CCDC110: variants seen among roughly 807,000 people sequenced by gnomAD.
CCDC110 encodes coiled-coil domain-containing protein 110.
Under a neutral mutation model 77.1 loss-of-function variants are expected in CCDC110, and 70 were observed. That is an observed-to-expected ratio of 0.91 (90% CI 0.75 to 1.11). The LOEUF (loss-of-function observed/expected upper bound fraction) is 1.11. Ranked by LOEUF, CCDC110 falls within the 50% of genes least tolerant of loss-of-function variation. CCDC110 has a pLI of 0.00. For synonymous variants in CCDC110, 295 were observed against 312.5 expected (o/e 0.94, Z 0.59); for missense variants, 868 against 942.9 (o/e 0.92, Z 1.04).
chr4:185,449,522 TAAA>T, intron 6 of CCDC110: 12 of 826,982 alleles, frequency 1.5e-5, no homozygotes, highest in South Asian at 5.5e-5. Context: ...GACCCGGTCT[TAAA>T]AAAAAAAAAG....
chr4:185,466,157 C>T (rs763252890), intron 2 of CCDC110, among the ~76,000 whole-genome samples: 3 of 151,988 alleles, frequency 2.0e-5, no homozygotes, highest in East Asian at 1.9e-4. Context: ...GGGCAGATCA[C>T]GAGGTCAGGA....
intron 2 of CCDC110, among the ~76,000 whole-genome samples, chr4:185,466,187 A>G (rs1451075628): frequency 6.6e-6 from 1 of 152,034 alleles, no homozygotes; most frequent in East Asian, 1.9e-4. Flanking sequence ...CATCCTGGCT[A>G]ACATGGTGAA....
At chr4:185,463,222 T>C (rs1334745684) in intron 2 of CCDC110, among the ~76,000 whole-genome samples, 173 bp from the exon 3 acceptor site, 2 of 152,236 alleles carry the variant, frequency 1.3e-5, no homozygotes, top group African/African-American at 2.4e-5. Flanking sequence ...CTCGCTTGAC[T>C]TAATATATCC....
intron 6 of CCDC110, 129 bp downstream of exon 6, chr4:185,457,997 T>G: frequency 1.5e-6 from 1 of 674,826 alleles, no homozygotes; most frequent in Non-Finnish European, 2.2e-6. Flanking sequence ...TATAATAAAT[T>G]GGATACAAAT....
At position 185,458,621 on chromosome 4, in the gene CCDC110, G is replaced by A; in HGVS notation, c.1966C>T (p.Gln656Ter). 3.1e-6 allele frequency: 5 copies of A among 1,608,166 alleles called. No individual in the cohort carries two copies. Among genetic ancestry groups the A allele is most frequent in the Non-Finnish European group, 4.2e-6 (5 of 1,179,532 alleles). Reference sequence around the variant, plus strand: ...TTCTCAATTTCTCTTTCCATAATTTGTCTGGCAGCAGTAGATTCTTGTAAT... The same window carrying A: ...TTCTCAATTTCTCTTTCCATAATTTATCTGGCAGCAGTAGATTCTTGTAAT... ...TTLQESTAARQIMEREIENIQ... is the reference protein window; with the variant it reads ...TTLQESTAAR The change falls in exon 6 of 7, where the codon CAA becomes TAA. Residue 656 changes from glutamine to a stop codon, truncating the protein, a stop_gained. Transcript: ENST00000307588. LOFTEE classifies it high-confidence loss of function.
rs1200330885 is a variant in CCDC110, at chr4:185,462,719, A to G, written c.172-11T>C. 6.2e-7 allele frequency: 1 copy of G among 1,610,134 alleles called. No homozygotes were observed. The highest frequency in any genetic ancestry group is 1.3e-5 in the African/African-American group (1 of 74,856). The stretch of plus-strand genomic sequence containing the variant: ...CTGCTGCTGAAGGACCTATGACAAA[A>G]GTAAAGTATGAAATTGAGTATTTTT... On this transcript the variant is annotated splice_polypyrimidine_tract_variant and intron_variant, in intron 3 of 6. Coordinates refer to ENST00000307588, the MANE Select transcript of CCDC110 (RefSeq NM_152775.4).
At chr4:185,454,489 G>T (rs2095633472) in intron 6 of CCDC110, among the ~76,000 whole-genome samples, 1 of 152,006 alleles carries the variant, frequency 6.6e-6, no homozygotes, top group African/African-American at 2.4e-5. Flanking sequence ...TGAGGCGGGA[G>T]GATCACTTAA....
intron 6 of CCDC110, among the ~76,000 whole-genome samples, chr4:185,447,165 A>G: frequency 6.7e-6 from 1 of 149,652 alleles, no homozygotes; most frequent in Non-Finnish European, 1.5e-5. Flanking sequence ...ACATATAGCT[A>G]TGTTTGATTT....
intron 6 of CCDC110, 132 bp from the exon 7 acceptor site, chr4:185,445,674 A>G: frequency 1.7e-6 from 1 of 577,774 alleles, no homozygotes; most frequent in Non-Finnish European, 3.0e-6. Context: ...AAAACTGAAA[A>G]AGTTCTTTGG....
rs1179862105 is a variant in CCDC110, at chr4:185,468,603, C to T, written c.115+2342G>A. ...CCACGCTCCCACCACAGGGTCTTTGCAGTTGCCATTCTCTCTGCCTGCGGT... is the reference window on the plus strand; with the variant it reads ...CCACGCTCCCACCACAGGGTCTTTGTAGTTGCCATTCTCTCTGCCTGCGGT... On this transcript the variant is annotated intron_variant, in intron 2 of 6. Transcript: ENST00000307588. The surrounding 1 kb of genome is among the most constrained non-coding windows in gnomAD (Gnocchi z 4.5). 5.3e-5 allele frequency among the ~76,000 whole-genome samples: 8 copies of T among 152,200 alleles called. No individual in the cohort carries two copies. Among genetic ancestry groups the T allele is most frequent in the Non-Finnish European group, 1.0e-4 (7 of 68,034 alleles).
rs777791302 is a variant in CCDC110 at position 185,458,748 on chromosome 4, T to A, written c.1839A>T (p.Ile613=). ...GNELKESQLE[I]IQLKEKERLA... ...ATCTTTCTTTCTCTTTTAGCTGGAT[T>A]ATCTCTAGCTGGCTTTCTTTTAGTT... is the stretch of plus-strand genomic sequence containing the variant. Residue 613 remains isoleucine (I), a synonymous_variant, in exon 6 of 7, where the codon ATA becomes ATT. Transcript: ENST00000307588. 4 of 1,609,702 alleles carry A rather than the reference T, an allele frequency of 2.5e-6. No homozygotes were observed. The East Asian group carries it at 6.7e-5, about 27-fold the overall frequency.
In CCDC110 at chr4:185,460,276, T is replaced by C. The variant is rs1305478497; in HGVS notation, c.349-38A>G. ...GAAGTACACTATAAATGTATTGTCA[T>C]TTGCCACATGATAAAGCAGTACAGA... On this transcript the variant is annotated intron_variant, in intron 5 of 6. Coordinates refer to ENST00000307588, the MANE Select transcript of CCDC110 (RefSeq NM_152775.4). The C allele has an allele frequency of 4.8e-6, 7 of 1,457,990 alleles. No individual in the cohort carries two copies. In the African/African-American group the frequency reaches 9.9e-5, roughly 21 times the overall value. The allele number at this position is 1,457,990 out of a possible 1,614,324, so 90.3% of individuals were successfully genotyped here. A position where few individuals can be genotyped will look rare whatever the true frequency, so the allele number is the denominator to read the frequency against.
intron 6 of CCDC110, among the ~76,000 whole-genome samples, chr4:185,448,076 AAAG>A: frequency 6.6e-6 from 1 of 152,212 alleles, no homozygotes; most frequent in Admixed American, 6.5e-5. Context: ...GCTGGAGTGC[AAAG>A]GTGTGATCTC....
intron 6 of CCDC110, among the ~76,000 whole-genome samples, chr4:185,451,056 G>A (rs994433976): frequency 6.6e-6 from 1 of 152,136 alleles, no homozygotes; most frequent in African/African-American, 2.4e-5. Context: ...TACTGTTCTC[G>A]TGGTAGTGAA....
intron 2 of CCDC110, among the ~76,000 whole-genome samples, chr4:185,466,798 A>G (rs1265532944): frequency 1.3e-5 from 2 of 152,092 alleles, no homozygotes; most frequent in Admixed American, 6.6e-5. Context: ...TGCTGCTGGA[A>G]TCACATAGTA....
At chr4:185,471,497 C>G (rs921320340) in intron 1 of CCDC110, 177 bp downstream of exon 1, 2 of 620,494 alleles carry the variant, frequency 3.2e-6, no homozygotes, top group Non-Finnish European at 5.3e-6. Flanking sequence ...CCACAGCGGA[C>G]GCAGGGGGCC....
At chr4:185,455,622 G>A (rs2095634895) in intron 6 of CCDC110, among the ~76,000 whole-genome samples, 1 of 152,190 alleles carries the variant, frequency 6.6e-6, no homozygotes. Context: ...GGTGGCTTAT[G>A]CCTGTAATCC....
intron 6 of CCDC110, chr4:185,449,553 C>G (rs756544683): frequency 3.3e-5 from 41 of 1,258,104 alleles, no homozygotes; most frequent in Middle Eastern, 1.9e-4. Flanking sequence ...AGGTATTTGA[C>G]TTGCACCTAT....
intron 2 of CCDC110, among the ~76,000 whole-genome samples, chr4:185,467,019 TTTTCATA>T (rs2095657540): frequency 6.6e-6 from 1 of 152,148 alleles, no homozygotes; most frequent in African/African-American, 2.4e-5. Context: ...GCTTCTACTT[TTTTCATA>T]TAGAGTGGGA....
Sources: allele counts gnomAD v4.1 joint callset (sites outside exome capture counted in the v4.1 genomes callset), GRCh38; gene constraint gnomAD v4.1.1; non-coding constraint Gnocchi (gnomAD v3.1); transcripts MANE v1.5; gene names NCBI Gene and HGNC (gene_info 2026-07-23, HGNC 2026-07-21).